The following SLC2A9 variants were observed in gnomAD, a reference collection of about 807,000 sequenced individuals.
SLC2A9 encodes the protein solute carrier family 2 member 9.
In SLC2A9, 39 loss-of-function variants were observed where a neutral mutation model predicts 50.6. The observed-to-expected ratio is 0.77, with a 90% confidence interval of 0.60 to 1.01. The LOEUF (loss-of-function observed/expected upper bound fraction) is 1.01, where lower values mean the gene tolerates loss of function less well. Ranked by LOEUF, SLC2A9 falls within the 50% of genes least tolerant of loss-of-function variation. The pLI is 0.00. For missense variants in SLC2A9, 686 were observed against 677.6 expected, an observed-to-expected ratio of 1.01 and a Z score of -0.14; for synonymous variants, 324 against 276.9, an observed-to-expected ratio of 1.17 and a Z score of -1.69.
rs1036768335 is a variant in SLC2A9 at position 9,843,458 on chromosome 4, T to C, written c.1292-8450A>G. 2.0e-4 allele frequency among the ~76,000 whole-genome samples: 31 copies of C among 151,930 alleles called. 1 individual carries two copies. The highest frequency in any genetic ancestry group is 4.4e-5 in the Non-Finnish European group (3 of 68,004). On this transcript the variant is annotated intron_variant, in intron 10 of 11. Coordinates refer to ENST00000264784, the MANE Select transcript of SLC2A9 (RefSeq NM_020041.3). ...GGAGCATGGAGTGGGGGTCTTATGCTAAAGTTAGGGGCCTGGGGTGAGGGT... is the reference window on the plus strand; with the variant it reads ...GGAGCATGGAGTGGGGGTCTTATGCCAAAGTTAGGGGCCTGGGGTGAGGGT...
intron 5 of SLC2A9, among the ~76,000 whole-genome samples, chr4:9,953,802 T>C (rs1560376704): frequency 6.6e-6 from 1 of 151,962 alleles, no homozygotes; most frequent in Non-Finnish European, 1.5e-5. Flanking sequence ...TTTGTTTGTT[T>C]GTTTGTTTGT....
chr4:9,899,791 G>A (rs1474266317), intron 8 of SLC2A9, among the ~76,000 whole-genome samples: 1 of 152,150 alleles, frequency 6.6e-6, no homozygotes, highest in Non-Finnish European at 1.5e-5. Flanking sequence ...CAGCCAAAGT[G>A]CAAAACAGAC....
chr4:9,969,517 T>C (rs571652375), intron 5 of SLC2A9, among the ~76,000 whole-genome samples: 80 of 152,372 alleles, frequency 5.3e-4, no homozygotes, highest in Non-Finnish European at 8.4e-4. Context: ...ATGTGGTTTT[T>C]TTCCCCCAAG....
At chr4:9,925,676 C>T (rs1744760740) in intron 6 of SLC2A9, among the ~76,000 whole-genome samples, 1 of 152,218 alleles carries the variant, frequency 6.6e-6, no homozygotes, top group African/African-American at 2.4e-5. Context: ...TTTATTTCCT[C>T]TCTGTTGAGC....
intron 10 of SLC2A9, among the ~76,000 whole-genome samples, chr4:9,860,524 T>A (rs1378202937): frequency 2.6e-5 from 4 of 152,244 alleles, no homozygotes; most frequent in Non-Finnish European, 5.9e-5. Flanking sequence ...CAAGAACTGA[T>A]GAGCTGAAAC....
chr4:9,921,496 C>G (rs1433833299), intron 6 of SLC2A9, among the ~76,000 whole-genome samples: 3 of 152,242 alleles, frequency 2.0e-5, no homozygotes, highest in Non-Finnish European at 4.4e-5. Flanking sequence ...CTCCTGCGGA[C>G]AGTCCATTCC....
Position 9,834,962 on chromosome 4 carries a change from C to G in SLC2A9, c.1338G>C (p.Gln446His). 6.2e-7 allele frequency: 1 copy of G among 1,613,954 alleles called. No homozygotes were observed. The highest frequency in any genetic ancestry group is 8.5e-7 in the Non-Finnish European group (1 of 1,180,006). The change falls in exon 11 of 12, where the codon CAG becomes CAC. Residue 446 changes from glutamine (Q) to histidine (H), a missense_variant. Coordinates refer to ENST00000264784, the MANE Select transcript of SLC2A9 (RefSeq NM_020041.3). The stretch of plus-strand genomic sequence containing the variant: ...CTGCAATGATGAAGGCAGCCGGCCG[C>G]TGAGATTGCTGGAAGAACTCACCAG... The part of the protein sequence containing the change: ...ILTGEFFQQS[Q>H]RPAAFIIAGT...
intron 5 of SLC2A9, among the ~76,000 whole-genome samples, chr4:9,971,120 C>T (rs1418199410): frequency 1.3e-5 from 2 of 152,180 alleles, no homozygotes; most frequent in African/African-American, 4.8e-5. Flanking sequence ...TGCCGATGCT[C>T]CCAGCTGAAT....
At chr4:9,877,391 C>G (rs1734478123) in intron 10 of SLC2A9, among the ~76,000 whole-genome samples, 1 of 152,232 alleles carries the variant, frequency 6.6e-6, no homozygotes, top group Non-Finnish European at 1.5e-5. Flanking sequence ...TGCCTGCCCC[C>G]CTGGCAGGAG....
chr4:9,866,134 C>A (rs1370274060), intron 10 of SLC2A9, among the ~76,000 whole-genome samples: 1 of 152,116 alleles, frequency 6.6e-6, no homozygotes, highest in Non-Finnish European at 1.5e-5. Context: ...GTTACTTATT[C>A]CCCAGCTTTC....
intron 4 of SLC2A9, among the ~76,000 whole-genome samples, chr4:9,983,925 C>G (rs1242474823): frequency 6.6e-6 from 1 of 152,164 alleles, no homozygotes; most frequent in Non-Finnish European, 1.5e-5. Context: ...CACTTTCCTG[C>G]TCCAGCTTTC....
chr4:9,928,738 GCAAACAAA>G (rs968992754), intron 6 of SLC2A9, among the ~76,000 whole-genome samples: 1 of 151,918 alleles, frequency 6.6e-6, no homozygotes, highest in Non-Finnish European at 1.5e-5. Context: ...CTTCTCAAAA[GCAAACAAA>G]CAAACAAACA....
chr4:9,815,624 G>T (rs960916002), intron 3 of SLC2A9, among the ~76,000 whole-genome samples: 2 of 152,186 alleles, frequency 1.3e-5, no homozygotes, highest in African/African-American at 4.8e-5. Context: ...TGCTTCATTT[G>T]TTCCTCCCTC....
intron 5 of SLC2A9, among the ~76,000 whole-genome samples, chr4:9,946,309 TC>T (rs1197948720): frequency 9.2e-5 from 14 of 152,148 alleles, no homozygotes; most frequent in Non-Finnish European, 1.9e-4. Flanking sequence ...AGGTCATATT[TC>T]CCCCAAGCTA....
At chr4:9,959,516 T>C (rs2108914581) in intron 5 of SLC2A9, among the ~76,000 whole-genome samples, 1 of 151,906 alleles carries the variant, frequency 6.6e-6, no homozygotes, top group Non-Finnish European at 1.5e-5. Context: ...TATTTTAAAA[T>C]ATGGTGGAAT....
In SLC2A9 at chr4:9,985,699, C is replaced by T. The variant is rs144196049; in HGVS notation, c.505G>A (p.Val169Met). ...TCTATGCCCATGATGAAGCGTCCCA[C>T]GATGAGCATTTCAAAGGCTCCTGCC... The part of the protein sequence containing the change: ...LQAGAFEMLI[V>M]GRFIMGIDGG... Residue 169 changes from valine to methionine, a missense_variant, in exon 4 of 12, where the codon GTG (valine) becomes ATG (methionine). By Grantham distance (21) the Val-to-Met change is conservative. Coordinates refer to ENST00000264784, the MANE Select transcript of SLC2A9 (RefSeq NM_020041.3). 4.2e-5 allele frequency: 68 copies of T among 1,613,878 alleles called. No individual in the cohort carries two copies. The highest frequency in any genetic ancestry group is 1.6e-4 in the Middle Eastern group (1 of 6,078).
chr4:9,843,918 G>A (rs1411996374), intron 10 of SLC2A9, among the ~76,000 whole-genome samples: 1 of 152,086 alleles, frequency 6.6e-6, no homozygotes, highest in African/African-American at 2.4e-5. Flanking sequence ...ATTTGCTTTG[G>A]CAGAAAAGGC....
intron 5 of SLC2A9, among the ~76,000 whole-genome samples, chr4:9,977,523 C>A (rs79729099): frequency 4.6e-5 from 7 of 151,126 alleles, no homozygotes; most frequent in Admixed American, 2.6e-4. Context: ...GCCTTGCCAG[C>A]GGTCTCTCCC....
intron 10 of SLC2A9, among the ~76,000 whole-genome samples, chr4:9,856,305 G>T (rs568653298): frequency 2.0e-5 from 3 of 152,150 alleles, no homozygotes; most frequent in South Asian, 2.1e-4. Context: ...ATGGGCAAAG[G>T]ACATGAACAG....
Sources: gnomAD v4.1 joint callset for allele counts (sites outside exome capture counted in the v4.1 genomes callset) on GRCh38, gnomAD v4.1.1 for gene constraint, MANE v1.5 for transcripts, NCBI Gene and HGNC (gene_info 2026-07-23, HGNC 2026-07-21) for gene names.